POLK: variants seen among roughly 807,000 people sequenced by gnomAD.
POLK encodes polymerase (DNA directed) kappa.
POLK carries 76 observed loss-of-function variants against 94.0 expected under a neutral mutation model. The observed-to-expected ratio is 0.81, with a 90% CI of 0.67 to 0.98. The LOEUF is 0.98. POLK is among the 50% of genes least tolerant of loss of function. The pLI is 0.00. For missense variants in POLK, 954 were observed against 1,010.1 expected (o/e 0.94, Z 0.75); for synonymous variants, 349 against 325.4 (o/e 1.07, Z -0.78).
chr5:75,530,204 C>A (rs902769345), intron 1 of POLK, among the ~76,000 whole-genome samples: 1 of 149,442 alleles, frequency 6.7e-6, no homozygotes, highest in African/African-American at 2.5e-5. Context: ...TTATGTTTCT[C>A]ACATTTCAGG....
At chr5:75,520,586 A>T (rs1189526907) in intron 1 of POLK, among the ~76,000 whole-genome samples, 2 of 152,072 alleles carry the variant, frequency 1.3e-5, no homozygotes, top group South Asian at 4.1e-4. Context: ...TTTTTTAGAG[A>T]TAAGGTCTTA....
intron 1 of POLK, among the ~76,000 whole-genome samples, chr5:75,536,520 C>T (rs1362969606): frequency 1.3e-5 from 2 of 152,082 alleles, no homozygotes; most frequent in Non-Finnish European, 2.9e-5. Flanking sequence ...GGAGGCTGTA[C>T]CCCCGGCAAA....
At chr5:75,552,640 G>T in intron 3 of POLK, 49 bp downstream of exon 3, 1 of 1,509,494 alleles carries the variant, frequency 6.6e-7, no homozygotes, top group South Asian at 1.3e-5. Context: ...AATAGTAATT[G>T]ACAGTTAAAA....
At chr5:75,596,293 C>G (rs1478470985) in exon 13 of POLK, 1 of 1,613,426 alleles carries the variant, frequency 6.2e-7, no homozygotes, top group Non-Finnish European at 8.5e-7. Context: ...TGGCTTTTTA[C>G]AGGCTGGAAA....
downstream of POLK, among the ~76,000 whole-genome samples, chr5:75,602,189 AAGTC>A (rs1773309764): frequency 6.6e-6 from 1 of 152,192 alleles, no homozygotes; most frequent in African/African-American, 2.4e-5. Context: ...TGTTTACTGG[AAGTC>A]AGTCACATAG....
At chr5:75,584,131 A>T (rs1216263433) in intron 8 of POLK, among the ~76,000 whole-genome samples, 1 of 152,218 alleles carries the variant, frequency 6.6e-6, no homozygotes, top group Non-Finnish European at 1.5e-5. Flanking sequence ...TCCCTTTAAA[A>T]AGGTTCTGGG....
intron 8 of POLK, among the ~76,000 whole-genome samples, chr5:75,584,396 T>C (rs554939154): frequency 6.6e-6 from 1 of 152,260 alleles, no homozygotes; most frequent in South Asian, 2.1e-4. Context: ...TCATACCTTT[T>C]ATCGATGATA....
At chr5:75,581,661 A>G in intron 7 of POLK, 1 of 510,924 alleles carries the variant, frequency 2.0e-6, no homozygotes, top group East Asian at 3.4e-5. Context: ...AGGAAAAAAA[A>G]GATTATACGT....
At chr5:75,591,510 C>G (rs1198863538) in intron 11 of POLK, among the ~76,000 whole-genome samples, 3 of 152,118 alleles carry the variant, frequency 2.0e-5, no homozygotes, top group African/African-American at 7.2e-5. Context: ...CTGGTTTCCT[C>G]CATTATTAAC....
At chr5:75,549,832 C>T (rs929455761) in intron 2 of POLK, among the ~76,000 whole-genome samples, 2 of 152,090 alleles carry the variant, frequency 1.3e-5, no homozygotes, top group South Asian at 2.1e-4. Flanking sequence ...ATCTATCTTA[C>T]CCTTCCCCTA....
chr5:75,570,722 A>C (rs1400971501), intron 4 of POLK, among the ~76,000 whole-genome samples: 1 of 152,224 alleles, frequency 6.6e-6, no homozygotes, highest in Non-Finnish European at 1.5e-5. Context: ...TAGCAACTAA[A>C]ATAGATGAGA....
intron 1 of POLK, among the ~76,000 whole-genome samples, chr5:75,545,707 T>C (rs1247759957): frequency 6.6e-6 from 1 of 152,184 alleles, no homozygotes; most frequent in Non-Finnish European, 1.5e-5. Context: ...GAGATCTGCA[T>C]ACAGTAGATA....
downstream of POLK, among the ~76,000 whole-genome samples, chr5:75,605,573 G>A (rs561863926): frequency 6.6e-6 from 1 of 152,224 alleles, no homozygotes; most frequent in South Asian, 2.1e-4. Flanking sequence ...GGTTTTTTGG[G>A]TTTTGCTAGC....
At chr5:75,603,231 C>T (rs907256695), downstream of POLK, among the ~76,000 whole-genome samples, 2 of 152,162 alleles carry the variant, frequency 1.3e-5, no homozygotes, top group African/African-American at 4.8e-5. Context: ...GTATCTGTTA[C>T]TGAATTCTGT....
chr5:75,596,754 A>T, exon 13 of POLK: 4 of 1,612,762 alleles, frequency 2.5e-6, no homozygotes, highest in Non-Finnish European at 3.4e-6. Context: ...AAGATTATGA[A>T]GCCCATCCAA....
At chr5:75,548,284 G>A (rs1770154053) in intron 2 of POLK, among the ~76,000 whole-genome samples, 1 of 151,856 alleles carries the variant, frequency 6.6e-6, no homozygotes. Context: ...TATATATTCT[G>A]TATACATATG....
Position 75,516,630 on chromosome 5 carries a change from A to C in POLK, c.-14+4716A>C, listed in dbSNP as rs1580899124. On this transcript the variant is annotated intron_variant, in intron 1 of 14. Transcript: ENST00000241436. The stretch of plus-strand genomic sequence containing the variant: ...TAGAAAGCTGTGATTACACCACTGC[A>C]TTCAAAGCCAGGTAACAGAGTGAGA... 3.9e-5 allele frequency among the ~76,000 whole-genome samples: 6 copies of C among 152,300 alleles called. No individual in the cohort carries two copies. The Middle Eastern group carries it at 0.02, about 518-fold the overall frequency.
At chr5:75,570,552 C>T (rs914000102) in intron 4 of POLK, among the ~76,000 whole-genome samples, 25 of 152,182 alleles carry the variant, frequency 1.6e-4, no homozygotes, top group Non-Finnish European at 5.9e-5. Flanking sequence ...GAATAACATA[C>T]TTCGTTAATA....
exon 13 of POLK, chr5:75,596,678 C>T (rs757772546): frequency 6.2e-7 from 1 of 1,613,852 alleles, no homozygotes; most frequent in South Asian, 1.1e-5. Context: ...TTCTCGTGTT[C>T]ACATGTTTCT....
Sources: gnomAD v4.1 joint callset for allele counts (sites outside exome capture counted in the v4.1 genomes callset) on GRCh38, gnomAD v4.1.1 for gene constraint, MANE v1.5 for transcripts, NCBI Gene and HGNC (gene_info 2026-07-23, HGNC 2026-07-21) for gene names.